TENM1: variants seen among roughly 807,000 people sequenced by gnomAD.
TENM1 encodes teneurin-1.
Under a neutral mutation model 174.8 loss-of-function variants are expected in TENM1, and 35 were observed. That is an observed-to-expected ratio of 0.20 (90% CI 0.15 to 0.27). The LOEUF (loss-of-function observed/expected upper bound fraction) is 0.27, where lower values mean the gene tolerates loss of function less well. Ranked by LOEUF, TENM1 falls within the 10% of genes least tolerant of loss-of-function variation. TENM1 has a pLI of 1.00. For synonymous variants in TENM1, 781 were observed against 798.7 expected, an observed-to-expected ratio of 0.98 and a Z score of 0.37; for missense variants, 1,633 against 2,130.1, an observed-to-expected ratio of 0.77 and a Z score of 4.59.
chrX:124,998,379 G>A, the TENM1 span, among the ~76,000 whole-genome samples: 2 of 109,485 alleles, frequency 1.8e-5, no homozygotes, highest in Admixed American at 9.8e-5. Flanking sequence ...TAATTTTAGC[G>A]GGAGGGCTAT....
At chrX:124,539,676 G>GT (rs940509008) in intron 15 of TENM1, among the ~76,000 whole-genome samples, 16 of 106,191 alleles carry the variant, frequency 1.5e-4, no homozygotes, top group South Asian at 1.2e-3. Flanking sequence ...TTGGATGATT[G>GT]TTTTTTTTTT....
chrX:125,005,858 C>G, the TENM1 span, among the ~76,000 whole-genome samples: 1 of 111,672 alleles, frequency 9.0e-6, no homozygotes, highest in Admixed American at 9.5e-5. Flanking sequence ...ACTTTTCCCA[C>G]GGATTTTTGC....
At chrX:124,490,003 CA>C (rs776353943) in intron 20 of TENM1, among the ~76,000 whole-genome samples, 3 of 111,636 alleles carry the variant, frequency 2.7e-5, no homozygotes, top group Non-Finnish European at 5.6e-5. Context: ...GCCCTTATCA[CA>C]ACTTACCTGT....
intron 1 of TENM1, among the ~76,000 whole-genome samples, chrX:124,942,902 C>T (rs896680220): frequency 9.0e-6 from 1 of 111,528 alleles, no homozygotes; most frequent in South Asian, 3.7e-4. Context: ...ATCTCAGAAA[C>T]GAGCATTTCA....
intron 6 of TENM1, among the ~76,000 whole-genome samples, chrX:124,666,257 T>C (rs2051758957): frequency 9.0e-6 from 1 of 111,548 alleles, no homozygotes; most frequent in Non-Finnish European, 1.9e-5. Context: ...TAGTTCTGTC[T>C]TTCCCCACCC....
chrX:124,381,496 A>G (rs768867660), intron 31 of TENM1, among the ~76,000 whole-genome samples: 1 of 112,219 alleles, frequency 8.9e-6, no homozygotes, highest in South Asian at 3.8e-4. Flanking sequence ...GCATTCTTAT[A>G]TCTTGGTGGA....
chrX:124,854,538 G>T (rs1195454832), intron 3 of TENM1, among the ~76,000 whole-genome samples: 1 of 111,619 alleles, frequency 9.0e-6, no homozygotes, highest in Non-Finnish European at 1.9e-5. Flanking sequence ...ATTTCAGACA[G>T]ATATTTTTCC....
chrX:124,505,665 C>T (rs1198550842), intron 18 of TENM1, among the ~76,000 whole-genome samples: 1 of 111,342 alleles, frequency 9.0e-6, no homozygotes, highest in Non-Finnish European at 1.9e-5. Flanking sequence ...GTGACTAGAA[C>T]TGGTGGTTCT....
rs181388570 is a variant in TENM1 at position 124,473,382 on chromosome X, T to G, written c.3949+8350A>C. On this transcript the variant is annotated intron_variant, in intron 22 of 31. Coordinates refer to ENST00000422452, the Ensembl canonical transcript of TENM1. ...TCTGTCACTTTTTTGGCAGGGGTGG[T>G]GAGGACTCTTCTTTTTCATCAGCTG... is the stretch of plus-strand genomic sequence containing the variant. Among the ~76,000 whole-genome samples the G allele has an allele frequency of 6.7e-3, 747 of 111,622 alleles. 3 individuals are homozygous for G. The highest frequency in any genetic ancestry group is 0.023 in the African/African-American group (708 of 30,726).
chrX:125,007,973 C>T, the TENM1 span, among the ~76,000 whole-genome samples: 1 of 111,566 alleles, frequency 9.0e-6, no homozygotes, highest in South Asian at 3.8e-4. Flanking sequence ...ACTGCATCAA[C>T]TAGTGTGCAA....
At chrX:124,763,584 C>T (rs888808504) in intron 3 of TENM1, among the ~76,000 whole-genome samples, 23 of 111,385 alleles carry the variant, frequency 2.1e-4, no homozygotes, top group African/African-American at 5.5e-4. Context: ...CTCCTATTCT[C>T]AGCTGAGTTG....
the TENM1 span, among the ~76,000 whole-genome samples, chrX:125,064,693 G>A: frequency 2.7e-5 from 3 of 109,931 alleles, no homozygotes; most frequent in African/African-American, 6.6e-5. Flanking sequence ...TGCAAGCTCC[G>A]CCTCCTGGGT....
chrX:124,489,303 G>T (rs190184654), intron 20 of TENM1, among the ~76,000 whole-genome samples: 1 of 112,577 alleles, frequency 8.9e-6, no homozygotes, highest in African/African-American at 3.2e-5. Context: ...GTTGACCTTT[G>T]ATTTTCTCAA....
chrX:125,172,144 G>A, the TENM1 span, among the ~76,000 whole-genome samples: 2 of 111,491 alleles, frequency 1.8e-5, no homozygotes, highest in Non-Finnish European at 3.8e-5. Flanking sequence ...ATGCTGTTAG[G>A]ACTTTTAAAA....
chrX:125,171,485 C>A, the TENM1 span, among the ~76,000 whole-genome samples: 1 of 110,799 alleles, frequency 9.0e-6, no homozygotes, highest in Non-Finnish European at 1.9e-5. Context: ...ATGTTGAAAT[C>A]CTAACACTCA....
At chrX:124,958,479 C>T (rs193293011) in intron 1 of TENM1, among the ~76,000 whole-genome samples, 14 of 111,554 alleles carry the variant, frequency 1.3e-4, no homozygotes, top group East Asian at 2.8e-4. Flanking sequence ...TCCTTATAAA[C>T]GCTTGGTCAC....
rs2048919361 is a variant in TENM1, at chrX:124,565,440, T to C, written c.2198A>G (p.His733Arg). The C allele has an allele frequency of 8.3e-7, 1 of 1,207,861 alleles. No homozygotes were observed. Among genetic ancestry groups the C allele is most frequent in the African/African-American group, 1.8e-5 (1 of 57,068 alleles). Residue 733 changes from histidine (H) to arginine (R), a missense_variant, in exon 12 of 32, where the codon CAT becomes CGT. Physicochemically the swap from His to Arg is conservative, Grantham distance 29. Transcript: ENST00000422452. ...ACATTTTCCATCTTTGCATTGGCCA[T>C]GCTCAGTACAATGAGAATGACAGGA...
the TENM1 span, among the ~76,000 whole-genome samples, chrX:125,199,483 T>C: frequency 8.9e-6 from 1 of 112,096 alleles, no homozygotes; most frequent in Non-Finnish European, 1.9e-5. Context: ...AGAGCGGGGG[T>C]GGAGAATCCA....
At chrX:124,458,750 G>A (rs2061136482) in intron 22 of TENM1, among the ~76,000 whole-genome samples, 1 of 111,866 alleles carries the variant, frequency 8.9e-6, no homozygotes, top group African/African-American at 3.2e-5. Context: ...AAAGACAGAC[G>A]ACACCAGTGT....
Sources: allele counts gnomAD v4.1 joint callset (sites outside exome capture counted in the v4.1 genomes callset), GRCh38; gene constraint gnomAD v4.1.1; transcripts MANE v1.5; gene names NCBI Gene and HGNC (gene_info 2026-07-23, HGNC 2026-07-21).